Variants in MB21D2 observed in about 807,000 individuals in gnomAD.
The protein encoded by MB21D2 is Mab-21 domain containing 2.
In MB21D2, 9 loss-of-function variants were observed where a neutral mutation model predicts 33.3. That is an observed-to-expected ratio of 0.27 (90% CI 0.16 to 0.47). MB21D2 has a LOEUF of 0.47. Among genes scored for constraint, MB21D2 ranks in the 20% least tolerant of loss-of-function variants. MB21D2 has a pLI of 0.99. For missense variants in MB21D2, 540 were observed against 624.6 expected (o/e 0.86, Z 1.44); for synonymous variants, 241 against 236.3 (o/e 1.02, Z -0.18).
intron 1 of MB21D2, among the ~76,000 whole-genome samples, chr3:192,813,222 T>A (rs1271177938): frequency 6.6e-5 from 10 of 151,928 alleles, no homozygotes; most frequent in Admixed American, 2.0e-4. Context: ...GCAAGCAACA[T>A]GGCTGACAAT....
At chr3:192,883,715 G>A (rs1272104364) in intron 1 of MB21D2, among the ~76,000 whole-genome samples, 1 of 152,030 alleles carries the variant, frequency 6.6e-6, no homozygotes, top group Non-Finnish European at 1.5e-5. Flanking sequence ...TCCCAGGAAT[G>A]CCTCTGTAAT....
chr3:192,905,889 G>C (rs1177491090), intron 1 of MB21D2, among the ~76,000 whole-genome samples: 1 of 152,038 alleles, frequency 6.6e-6, no homozygotes, highest in Non-Finnish European at 1.5e-5. Flanking sequence ...GAAGAATGAG[G>C]TGAGTTTCAA....
chr3:192,904,745 G>A (rs1415693084), intron 1 of MB21D2, among the ~76,000 whole-genome samples: 1 of 152,186 alleles, frequency 6.6e-6, no homozygotes, highest in Non-Finnish European at 1.5e-5. Context: ...AAGGGCAGTG[G>A]CCCCATCAGA....
At position 192,799,759 on chromosome 3, in the gene MB21D2, G is replaced by A. The variant is rs767373773; in HGVS notation, c.212-109C>T. 197 of 1,190,084 alleles carry A rather than the reference G, an allele frequency of 1.7e-4. No individual in the cohort carries two copies. The highest frequency in any genetic ancestry group is 2.1e-4 in the Non-Finnish European group (180 of 872,600). 73.7% of individuals were successfully genotyped at this position (1,190,084 alleles called of 1,614,324 possible). Reference sequence around the variant, plus strand: ...TTCCAAGAACCAAAACTCATTATCAGTACTAAATCAAATCTCAGGCTGCTG... The same window carrying A: ...TTCCAAGAACCAAAACTCATTATCAATACTAAATCAAATCTCAGGCTGCTG... On this transcript the variant is annotated intron_variant, in intron 1 of 1. Coordinates refer to ENST00000392452, the MANE Select transcript of MB21D2 (RefSeq NM_178496.4). The surrounding 1 kb of genome is among the most constrained non-coding windows in gnomAD (Gnocchi z 4.1).
chr3:192,905,174 C>T (rs576383305), intron 1 of MB21D2, among the ~76,000 whole-genome samples: 7 of 152,232 alleles, frequency 4.6e-5, no homozygotes, highest in Non-Finnish European at 8.8e-5. Flanking sequence ...CCATCAGGCA[C>T]AGGCAGACTT....
In MB21D2 at chr3:192,797,069, T is replaced by TA. The variant is rs1390126700; in HGVS notation, c.*1316dup. The TA allele has an allele frequency of 2.6e-5, 4 of 152,702 alleles. No individual in the cohort carries two copies. The highest frequency in any genetic ancestry group is 4.4e-5 in the Non-Finnish European group (3 of 68,026). The allele number at this position is 152,702 out of a possible 1,614,324, so 9.5% of individuals were successfully genotyped here. ...AAGATCAGCAGGCCTCCTGACCTCT[T>TA]AAACACCAGCTTGCCATGAGTCCAC... On this transcript the variant is annotated 3_prime_UTR_variant, in exon 2 of 2. Transcript: ENST00000392452.
At chr3:192,860,396 C>T (rs935085171) in intron 1 of MB21D2, among the ~76,000 whole-genome samples, 11 of 152,136 alleles carry the variant, frequency 7.2e-5, no homozygotes, top group African/African-American at 2.4e-4. Flanking sequence ...ATTTATTTAT[C>T]TATTAATTTT....
At chr3:192,865,133 C>T (rs891266655) in intron 1 of MB21D2, among the ~76,000 whole-genome samples, 1 of 152,206 alleles carries the variant, frequency 6.6e-6, no homozygotes, top group Non-Finnish European at 1.5e-5. Context: ...GTCAGTGTGT[C>T]GCGCTTGACA....
intron 1 of MB21D2, among the ~76,000 whole-genome samples, chr3:192,913,515 T>C (rs905899951): frequency 6.6e-6 from 1 of 152,188 alleles, no homozygotes; most frequent in Non-Finnish European, 1.5e-5. Flanking sequence ...TGCTTACTGT[T>C]ATCCATGTTT....
chr3:192,841,623 A>C (rs1712574616), intron 1 of MB21D2, among the ~76,000 whole-genome samples: 1 of 152,244 alleles, frequency 6.6e-6, no homozygotes, highest in Non-Finnish European at 1.5e-5. Context: ...TCTGGCCGAT[A>C]GCTTGAACAC....
chr3:192,834,636 C>T (rs1269481328), intron 1 of MB21D2, among the ~76,000 whole-genome samples: 1 of 151,966 alleles, frequency 6.6e-6, no homozygotes, highest in Admixed American at 6.5e-5. Context: ...GGAACAAAAA[C>T]AAGGAAACCA....
chr3:192,895,375 A>G (rs892766164), intron 1 of MB21D2, among the ~76,000 whole-genome samples: 1 of 152,214 alleles, frequency 6.6e-6, no homozygotes, highest in African/African-American at 2.4e-5. Context: ...TTCTGTTCTA[A>G]GTAAAAATTA....
intron 1 of MB21D2, among the ~76,000 whole-genome samples, chr3:192,808,072 G>C (rs1711704837): frequency 6.6e-6 from 1 of 152,164 alleles, no homozygotes; most frequent in Admixed American, 6.5e-5. Flanking sequence ...AGGAAAAGAA[G>C]GCTCTGGGCA....
At chr3:192,882,421 G>T (rs1435183216) in intron 1 of MB21D2, among the ~76,000 whole-genome samples, 1 of 152,020 alleles carries the variant, frequency 6.6e-6, no homozygotes, top group East Asian at 1.9e-4. Flanking sequence ...ATGCTCCTTT[G>T]CTAAAGGCAG....
chr3:192,816,787 G>A (rs1008911728), intron 1 of MB21D2, among the ~76,000 whole-genome samples: 2 of 152,220 alleles, frequency 1.3e-5, no homozygotes, highest in East Asian at 1.9e-4. Flanking sequence ...ATACAGGCAC[G>A]CTTGAATGTG....
chr3:192,852,338 T>C (rs966847764), intron 1 of MB21D2, among the ~76,000 whole-genome samples: 10 of 152,246 alleles, frequency 6.6e-5, no homozygotes, highest in Admixed American at 5.2e-4. Flanking sequence ...AAGAAAGCCA[T>C]AGGAAGCAAA....
chr3:192,917,798 C>G lies in MB21D2; in HGVS notation c.43G>C (p.Gly15Arg). ...GGGAACGCAGGCTTGTTGTTACAGC[C>G]CAGGGAGGCTGCCTTGTTGGCGGTG... ...APTANKAASL[G>R]CNNKPAFPEL... is the part of the protein sequence containing the mutation. The change falls in exon 1 of 2, where the codon GGC (glycine) becomes CGC (arginine). Residue 15 changes from glycine to arginine, a missense_variant. Physicochemically the swap from Gly to Arg is moderately radical, Grantham distance 125. Coordinates refer to ENST00000392452, the MANE Select transcript of MB21D2 (RefSeq NM_178496.4). 6.2e-7 allele frequency: 1 copy of G among 1,612,832 alleles called. No homozygotes were observed. The highest frequency in any genetic ancestry group is 1.1e-5 in the South Asian group (1 of 90,988).
chr3:192,907,868 TGA>T (rs1252049989), intron 1 of MB21D2, among the ~76,000 whole-genome samples: 1 of 152,090 alleles, frequency 6.6e-6, no homozygotes, highest in Non-Finnish European at 1.5e-5. Flanking sequence ...TGAAAAGCCC[TGA>T]GTATGGGCAT....
At chr3:192,813,285 C>T (rs1365573108) in intron 1 of MB21D2, among the ~76,000 whole-genome samples, 2 of 142,918 alleles carry the variant, frequency 1.4e-5, no homozygotes, top group South Asian at 2.3e-4. Context: ...TGTCCGCTTG[C>T]ACTTACTGCA....
Sources: allele counts gnomAD v4.1 joint callset (sites outside exome capture counted in the v4.1 genomes callset), GRCh38; gene constraint gnomAD v4.1.1; non-coding constraint Gnocchi (gnomAD v3.1); transcripts MANE v1.5; gene names NCBI Gene and HGNC (gene_info 2026-07-23, HGNC 2026-07-21).